Variants in UHRF1 observed in about 807,000 individuals in gnomAD.
UHRF1 encodes the protein ubiquitin like with PHD and ring finger domains 1, also known as E3 ubiquitin-protein ligase UHRF1.
In UHRF1, 9 loss-of-function variants were observed where a neutral mutation model predicts 96.5. The observed-to-expected ratio is 0.09, with a 90% CI of 0.06 to 0.16. The LOEUF (loss-of-function observed/expected upper bound fraction) is 0.16, where lower values mean the gene tolerates loss of function less well. Among genes scored for constraint, UHRF1 ranks in the 10% least tolerant of loss-of-function variants. The pLI is 1.00. For synonymous variants in UHRF1, 455 were observed against 469.9 expected (o/e 0.97, Z 0.41); for missense variants, 626 against 1,131.1 (o/e 0.55, Z 6.40).
At chr19:4,915,091 C>T (rs1415320561) in intron 2 of UHRF1, among the ~76,000 whole-genome samples, 3 of 152,238 alleles carry the variant, frequency 2.0e-5, no homozygotes, top group Non-Finnish European at 4.4e-5. Context: ...CCAGAGACTT[C>T]CATGCCTCAA....
Position 4,930,928 on chromosome 19 carries a change from T to C in UHRF1, c.569+52T>C. Reference sequence around the variant, plus strand: ...GGGTATTCAGGCTCTGTGACGCGCATCCTTGGCTGCGGGTGTTCAGGCCAG... The same window carrying C: ...GGGTATTCAGGCTCTGTGACGCGCACCCTTGGCTGCGGGTGTTCAGGCCAG... On this transcript the variant is annotated intron_variant, in intron 4 of 16. Coordinates refer to ENST00000650932, the MANE Select transcript of UHRF1 (RefSeq NM_001048201.3). This position sits in a 1 kb window ranked among gnomAD's most constrained non-coding sequence, Gnocchi z 4.4. The C allele has an allele frequency of 6.2e-7, 1 of 1,600,980 alleles. No homozygotes were observed. The highest frequency in any genetic ancestry group is 8.5e-7 in the Non-Finnish European group (1 of 1,170,736).
intron 11 of UHRF1, among the ~76,000 whole-genome samples, chr19:4,948,034 G>T (rs2033619106): frequency 6.7e-6 from 1 of 149,084 alleles, no homozygotes; most frequent in South Asian, 2.2e-4. Context: ...AGCCCAGGAG[G>T]TTGAGGCCGC....
intron 2 of UHRF1, among the ~76,000 whole-genome samples, chr19:4,912,099 A>G (rs1344353033): frequency 3.9e-5 from 6 of 152,196 alleles, no homozygotes; most frequent in African/African-American, 1.2e-4. Flanking sequence ...GACCTTCATT[A>G]GCCCTCTTCC....
chr19:4,928,413 T>G (rs556656818), intron 2 of UHRF1, among the ~76,000 whole-genome samples: 1 of 152,004 alleles, frequency 6.6e-6, no homozygotes, highest in East Asian at 1.9e-4. Flanking sequence ...TCTGACAAAA[T>G]GCCTCGGCTT....
chr19:4,941,311 G>A (rs919890538), intron 5 of UHRF1, among the ~76,000 whole-genome samples: 1 of 151,912 alleles, frequency 6.6e-6, no homozygotes, highest in African/African-American at 2.4e-5. Context: ...GGCTGGTCTC[G>A]AACTCCTGAC....
chr19:4,917,069 G>GT (rs921866918), intron 2 of UHRF1, among the ~76,000 whole-genome samples: 7 of 139,576 alleles, frequency 5.0e-5, no homozygotes, highest in South Asian at 2.2e-4. Flanking sequence ...GGGCAGCTCG[G>GT]TGGGGGGGGG....
At chr19:4,908,841 C>T (rs1206590005), upstream of UHRF1, among the ~76,000 whole-genome samples, 1 of 152,194 alleles carries the variant, frequency 6.6e-6, no homozygotes, top group Admixed American at 6.5e-5. Flanking sequence ...AGCAACCTGT[C>T]CGGCTGCTTT....
chr19:4,912,796 T>C (rs2032335530), intron 2 of UHRF1, among the ~76,000 whole-genome samples: 1 of 152,154 alleles, frequency 6.6e-6, no homozygotes, highest in Non-Finnish European at 1.5e-5. Flanking sequence ...AGGATCTCAC[T>C]CTGCCCAGGC....
chr19:4,943,915 T>G (rs1028591107), intron 7 of UHRF1, among the ~76,000 whole-genome samples: 1 of 152,166 alleles, frequency 6.6e-6, no homozygotes, highest in African/African-American at 2.4e-5. Flanking sequence ...CCTCCCAAAG[T>G]GCTGGGATTA....
intron 3 of UHRF1, 147 bp downstream of exon 3, chr19:4,929,623 G>T: frequency 2.6e-6 from 3 of 1,137,312 alleles, no homozygotes; most frequent in Non-Finnish European, 3.7e-6. Flanking sequence ...TTTCCTGCAC[G>T]TTCCTTGAGG....
At chr19:4,922,423 G>A (rs368449762) in intron 2 of UHRF1, among the ~76,000 whole-genome samples, 5 of 150,976 alleles carry the variant, frequency 3.3e-5, no homozygotes, top group East Asian at 3.9e-4. Flanking sequence ...CCACCACCAC[G>A]CCCGGGTAAT....
intron 2 of UHRF1, among the ~76,000 whole-genome samples, chr19:4,920,908 G>A (rs1568410855): frequency 6.8e-6 from 1 of 146,308 alleles, no homozygotes; most frequent in Admixed American, 6.8e-5. Context: ...GGTGGATCAC[G>A]AGGTCAAGAG....
rs561577212 is a variant in UHRF1, at chr19:4,943,971, G to C, written c.1074-161G>C. Among the ~76,000 whole-genome samples the C allele has an allele frequency of 1.7e-4, 26 of 152,312 alleles. No homozygotes were observed. In the South Asian group the frequency reaches 3.9e-3, roughly 23 times the overall value. ...TGGCTTAGTTCGAATGAATTTAAATGTAAACAGCCTCGTGTGCCAAGCGGC... is the reference window on the plus strand; with the variant it reads ...TGGCTTAGTTCGAATGAATTTAAATCTAAACAGCCTCGTGTGCCAAGCGGC... On this transcript the variant is annotated intron_variant, in intron 7 of 16. Transcript: ENST00000650932.
chr19:4,943,859 C>T (rs1180890284), intron 7 of UHRF1, among the ~76,000 whole-genome samples: 2 of 152,146 alleles, frequency 1.3e-5, no homozygotes, highest in East Asian at 1.9e-4. Context: ...CCGTGTTGGC[C>T]AGGCTGGTCT....
intron 5 of UHRF1, among the ~76,000 whole-genome samples, chr19:4,938,659 T>C (rs774564319): frequency 6.7e-5 from 10 of 149,000 alleles, no homozygotes; most frequent in Non-Finnish European, 1.5e-4. Context: ...TCCACTCGTC[T>C]CGGCCTCTCA....
intron 4 of UHRF1, among the ~76,000 whole-genome samples, chr19:4,931,171 T>G (rs954316759): frequency 6.6e-6 from 1 of 152,180 alleles, no homozygotes; most frequent in Non-Finnish European, 1.5e-5. Context: ...CATCTCTCCC[T>G]CATCCCCACC....
At chr19:4,916,982 T>C (rs562763825) in intron 2 of UHRF1, among the ~76,000 whole-genome samples, 2 of 151,646 alleles carry the variant, frequency 1.3e-5, no homozygotes, top group South Asian at 4.2e-4. Context: ...GGTGGCATTA[T>C]CTGCCCTGCT....
At chr19:4,939,240 T>TTA in intron 5 of UHRF1, among the ~76,000 whole-genome samples, 1 of 118,824 alleles carries the variant, frequency 8.4e-6, no homozygotes, top group Non-Finnish European at 1.9e-5. Flanking sequence ...TTTTTTTTTT[T>TTA]AATTTTCGGT....
chr19:4,947,024 T>C (rs2033586064), intron 10 of UHRF1, 81 bp from the exon 11 acceptor site: 2 of 1,078,854 alleles, frequency 1.9e-6, no homozygotes, highest in African/African-American at 1.6e-5. Context: ...GTAGCCATCC[T>C]GGGGAGTTTG....
Sources: gnomAD v4.1 joint callset for allele counts (sites outside exome capture counted in the v4.1 genomes callset) on GRCh38, gnomAD v4.1.1 for gene constraint, Gnocchi (gnomAD v3.1) non-coding constraint, MANE v1.5 for transcripts, NCBI Gene and HGNC (gene_info 2026-07-23, HGNC 2026-07-21) for gene names.